Variants in PRDM14 observed in about 807,000 individuals in gnomAD.
PRDM14 encodes PR/SET domain 14, also known as PR domain zinc finger protein 14.
PRDM14 carries 16 observed loss-of-function variants against 48.0 expected under a neutral mutation model. The observed-to-expected ratio is 0.33, with a 90% CI of 0.23 to 0.51. The LOEUF is 0.51. PRDM14 is among the 20% of genes least tolerant of loss of function. The pLI is 0.97. For synonymous variants in PRDM14, 264 were observed against 276.6 expected (o/e 0.95, Z 0.45); for missense variants, 566 against 719.6 (o/e 0.79, Z 2.44).
intron 5 of PRDM14, among the ~76,000 whole-genome samples, chr8:70,063,059 C>T (rs1242003696): frequency 6.6e-5 from 10 of 152,186 alleles, no homozygotes; most frequent in Non-Finnish European, 1.5e-4. Flanking sequence ...GACTATTTCT[C>T]GATAATAGAT....
intron 2 of PRDM14, among the ~76,000 whole-genome samples, chr8:70,068,762 T>G (rs890676695): frequency 2.6e-5 from 4 of 152,154 alleles, no homozygotes; most frequent in East Asian, 1.9e-4. Flanking sequence ...CTCATGGAAG[T>G]TTATGTAATT....
Position 70,051,932 on chromosome 8 carries a change from C to T in PRDM14, c.*145G>A. 1.7e-6 allele frequency: 1 copy of T among 590,494 alleles called. No homozygotes were observed. Among genetic ancestry groups the T allele is most frequent in the Non-Finnish European group, 2.9e-6 (1 of 339,066 alleles). The allele number at this position is 590,494 out of a possible 1,614,324, so 36.6% of individuals were successfully genotyped here. ...AACCACAGGCATGTGCCACCACCCC[C>T]AGCTGATTTTTGTATTTTTTTGGTA... On this transcript the variant is annotated 3_prime_UTR_variant, in exon 8 of 8. Transcript: ENST00000276594.
At chr8:70,057,491 G>A (rs116074563) in intron 6 of PRDM14, among the ~76,000 whole-genome samples, 2,968 of 151,836 alleles carry the variant, frequency 0.02, 101 homozygotes, top group African/African-American at 0.068. Context: ...CACCACACCC[G>A]GCTAATGTTT....
intron 5 of PRDM14, among the ~76,000 whole-genome samples, chr8:70,061,155 A>G (rs1048274650): frequency 2.6e-5 from 4 of 152,196 alleles, no homozygotes; most frequent in South Asian, 4.1e-4. Flanking sequence ...AGCAGGTCCC[A>G]CGTCCAGGGG....
intron 4 of PRDM14, among the ~76,000 whole-genome samples, chr8:70,067,921 C>A (rs1805698540): frequency 6.6e-6 from 1 of 152,038 alleles, no homozygotes; most frequent in African/African-American, 2.4e-5. Flanking sequence ...TCTATAATAT[C>A]TAAAGCATTT....
chr8:70,069,967 C>T (rs1439349173), intron 1 of PRDM14, 83 bp from the exon 2 acceptor site: 69 of 717,244 alleles, frequency 9.6e-5, no homozygotes, highest in Non-Finnish European at 2.3e-6. Flanking sequence ...GCCTCCTCCA[C>T]CCCAGCCAGC....
chr8:70,064,683 C>T (rs1362433789), intron 5 of PRDM14, among the ~76,000 whole-genome samples: 1 of 151,926 alleles, frequency 6.6e-6, no homozygotes, highest in East Asian at 1.9e-4. Context: ...CGCCACCACG[C>T]CCGGCTAATT....
chr8:70,063,292 G>A (rs1238761282), intron 5 of PRDM14, among the ~76,000 whole-genome samples: 1 of 151,786 alleles, frequency 6.6e-6, no homozygotes, highest in Non-Finnish European at 1.5e-5. Context: ...AAATTAGCTG[G>A]GTGTGGTGGT....
At chr8:70,062,718 G>A (rs989340222) in intron 5 of PRDM14, among the ~76,000 whole-genome samples, 2 of 151,968 alleles carry the variant, frequency 1.3e-5, no homozygotes, top group Admixed American at 1.3e-4. Context: ...TGCCTGCCTC[G>A]GCCTCCCAAA....
At chr8:70,052,865 CAAAAAAAAA>C (rs71275047) in intron 7 of PRDM14, among the ~76,000 whole-genome samples, 1 of 24,326 alleles carries the variant, frequency 4.1e-5, no homozygotes, top group Non-Finnish European at 6.9e-5. Context: ...ACTCTGTCTC[CAAAAAAAAA>C]AAAAAAAAAA....
rs764933551 is a variant in PRDM14, at chr8:70,064,890, C to CT, written c.1183+1344dup. 7.4e-3 allele frequency among the ~76,000 whole-genome samples: 1,013 copies of CT among 135,978 alleles called. 5 individuals carry two copies. The highest frequency in any genetic ancestry group is 0.013 in the South Asian group (57 of 4,264). The allele number at this position is 135,978 out of a possible 152,430, so 89.2% of individuals were successfully genotyped here. A position where few individuals can be genotyped will look rare whatever the true frequency, so the allele number is the denominator to read the frequency against. On this transcript the variant is annotated intron_variant, in intron 5 of 7. Coordinates refer to ENST00000276594, the MANE Select transcript of PRDM14 (RefSeq NM_024504.4). ...ATAATAATTTGCCTTCTCTCTCTCT[C>CT]TTTTTTTTTTTTTGGAGACGGAGTC...
chr8:70,056,302 G>A lies in PRDM14; in HGVS notation c.1387-901C>T, dbSNP rs189043792. ...AAACTACCAGAGAGGTGCAAGCACC[G>A]AGAGTTTGCCAGGGATAAAGCAGAA... On this transcript the variant is annotated intron_variant, in intron 6 of 7. Transcript: ENST00000276594. 2.9e-3 allele frequency among the ~76,000 whole-genome samples: 443 copies of A among 152,254 alleles called. 2 individuals carry two copies. The highest frequency in any genetic ancestry group is 0.01 in the African/African-American group (416 of 41,554).
chr8:70,068,126 C>T, intron 4 of PRDM14, 104 bp downstream of exon 4: 1 of 1,286,770 alleles, frequency 7.8e-7, no homozygotes. Flanking sequence ...CCTGGATGTC[C>T]TCTCTCTCTG....
In PRDM14 at chr8:70,069,801, C is replaced by G; in HGVS notation, c.60G>C (p.Glu20Asp). ...ACGCGGCCAGGTTCTGCGGGCTGCTCTCCGGCGGGTAGCACACCTTGTCCT... is the reference window on the plus strand; with the variant it reads ...ACGCGGCCAGGTTCTGCGGGCTGCTGTCCGGCGGGTAGCACACCTTGTCCT... ...VPQDKVCYPPESSPQNLAAYY... is the reference protein window; with the variant it reads ...VPQDKVCYPPDSSPQNLAAYY... The change falls in exon 2 of 8, where the codon GAG becomes GAC. Residue 20 changes from glutamate to aspartate, a missense_variant. Coordinates refer to ENST00000276594, the MANE Select transcript of PRDM14 (RefSeq NM_024504.4). The G allele has an allele frequency of 3.1e-6, 5 of 1,610,008 alleles. No homozygotes were observed. The highest frequency in any genetic ancestry group is 2.2e-5 in the East Asian group (1 of 44,832).
rs1208665663 is a variant in PRDM14, at chr8:70,058,741, C to T, written c.1285G>A (p.Asp429Asn). The change falls in exon 6 of 8, where the codon GAT (aspartate) becomes AAT (asparagine). Residue 429 changes from aspartate (D) to asparagine (N), a missense_variant. Asp to Asn is a conservative substitution (Grantham distance 23, BLOSUM62 1). This residue lies in a region of PRDM14 where 126 missense variants were observed against 271.6 expected (regional missense o/e 0.46). Coordinates refer to ENST00000276594, the MANE Select transcript of PRDM14 (RefSeq NM_024504.4). ...CAGAGAGAACAGGGAAATTTCCTATCGCCCTTGTCCACACAGGGGGTGTAC... is the reference window on the plus strand; with the variant it reads ...CAGAGAGAACAGGGAAATTTCCTATTGCCCTTGTCCACACAGGGGGTGTAC... ...LKYTPCVDKG[D>N]RKFPCSLCKR... 4.3e-6 allele frequency: 7 copies of T among 1,614,118 alleles called. No individual in the cohort carries two copies. The highest frequency in any genetic ancestry group is 2.2e-5 in the South Asian group (2 of 91,076).
In PRDM14 at chr8:70,067,533, A is replaced by AAAC. The variant is rs796958639; in HGVS notation, c.912+696_912+697insGTT. Reference sequence around the variant, plus strand: ...ACTCCGTCTCAAGAAAAAAAAAACAAAAAAAAAAAAACAAAGAAAGATTAC... The same window carrying AAAC: ...ACTCCGTCTCAAGAAAAAAAAAACAAAACAAAAAAAAAAACAAAGAAAGATTAC... On this transcript the variant is annotated intron_variant, in intron 4 of 7. Coordinates refer to ENST00000276594, the MANE Select transcript of PRDM14 (RefSeq NM_024504.4). 6.9e-3 allele frequency among the ~76,000 whole-genome samples: 914 copies of AAAC among 131,524 alleles called. 15 individuals carry two copies. Among genetic ancestry groups the AAAC allele is most frequent in the African/African-American group, 0.027 (863 of 31,796 alleles). 86.3% of individuals were successfully genotyped at this position (131,524 alleles called of 152,430 possible). A position where few individuals can be genotyped will look rare whatever the true frequency, so the allele number is the denominator to read the frequency against.
Position 70,055,283 on chromosome 8 carries a change from T to C in PRDM14, c.1488+17A>G. The C allele has an allele frequency of 7.1e-7, 1 of 1,404,740 alleles. No homozygotes were observed. The highest frequency in any genetic ancestry group is 1.0e-6 in the Non-Finnish European group (1 of 991,004). 87.0% of individuals were successfully genotyped at this position (1,404,740 alleles called of 1,614,324 possible). On this transcript the variant is annotated intron_variant, in intron 7 of 7. Coordinates refer to ENST00000276594, the MANE Select transcript of PRDM14 (RefSeq NM_024504.4). ...GCAGAGCTCAGGACACATCCCTTAG[T>C]AAGAGGTTCCATTTACCTTAGTACA...
chr8:70,053,413 C>T (rs546155735), intron 7 of PRDM14, among the ~76,000 whole-genome samples: 1 of 151,726 alleles, frequency 6.6e-6, no homozygotes, highest in South Asian at 2.1e-4. Context: ...TGTTTTGAGA[C>T]AGAATCTCAC....
At chr8:70,068,681 A>G (rs1418813153) in intron 2 of PRDM14, 149 bp from the exon 3 acceptor site, 6 of 710,708 alleles carry the variant, frequency 8.4e-6, no homozygotes, top group African/African-American at 7.1e-5. Flanking sequence ...CTCATTTTAC[A>G]TGGTCTGTTC....
Sources: gnomAD v4.1 joint callset for allele counts (sites outside exome capture counted in the v4.1 genomes callset) on GRCh38, gnomAD v4.1.1 for gene constraint, gnomAD v4.1.1 regional missense constraint, MANE v1.5 for transcripts, NCBI Gene and HGNC (gene_info 2026-07-23, HGNC 2026-07-21) for gene names.